The following BTRC variants were observed in gnomAD, a reference collection of about 807,000 sequenced individuals.
BTRC encodes F-box/WD repeat-containing protein 1A.
In BTRC, 42 loss-of-function variants were observed where a neutral mutation model predicts 85.5. The observed-to-expected ratio is 0.49, with a 90% CI of 0.38 to 0.64. The LOEUF is 0.64. Ranked by LOEUF, BTRC falls within the 30% of genes least tolerant of loss-of-function variation. The pLI is 0.00. For synonymous variants in BTRC, 255 were observed against 263.3 expected, an observed-to-expected ratio of 0.97 and a Z score of 0.30; for missense variants, 594 against 743.5, an observed-to-expected ratio of 0.80 and a Z score of 2.34.
intron 2 of BTRC, among the ~76,000 whole-genome samples, chr10:101,457,556 G>A (rs925041035): frequency 7.2e-5 from 11 of 152,238 alleles, no homozygotes; most frequent in Non-Finnish European, 1.3e-4. Flanking sequence ...GTGAAACTGT[G>A]GATAAGGGAG....
intron 7 of BTRC, 139 bp downstream of exon 7, chr10:101,531,472 T>A (rs753757386): frequency 1.6e-6 from 1 of 640,270 alleles, no homozygotes; most frequent in Admixed American, 3.2e-5. Context: ...CCATGGTGGC[T>A]CACACCTGTA....
intron 1 of BTRC, among the ~76,000 whole-genome samples, chr10:101,411,322 G>A (rs1943772139): frequency 6.6e-6 from 1 of 151,962 alleles, no homozygotes; most frequent in African/African-American, 2.4e-5. Flanking sequence ...AGTTTTGTAT[G>A]GGTTGGTCTA....
intron 4 of BTRC, among the ~76,000 whole-genome samples, chr10:101,520,174 C>T (rs1299104121): frequency 1.3e-5 from 2 of 151,942 alleles, no homozygotes; most frequent in East Asian, 3.9e-4. Context: ...GACAGAGTCT[C>T]GCCCTGTTGC....
At chr10:101,389,117 G>GTTTTTTTTTT (rs1169198314) in intron 1 of BTRC, among the ~76,000 whole-genome samples, 13 of 53,040 alleles carry the variant, frequency 2.5e-4, no homozygotes, top group Non-Finnish European at 2.8e-4. Context: ...TTTTTTGTGT[G>GTTTTTTTTTT]TGTTTTTTTT....
chr10:101,422,914 C>T (rs1944144637), intron 1 of BTRC, among the ~76,000 whole-genome samples: 1 of 152,156 alleles, frequency 6.6e-6, no homozygotes. Context: ...ATGCCTCCAG[C>T]TTTGTTCTTT....
At chr10:101,367,560 C>T (rs1288942619) in intron 1 of BTRC, among the ~76,000 whole-genome samples, 2 of 152,090 alleles carry the variant, frequency 1.3e-5, no homozygotes, top group African/African-American at 4.8e-5. Context: ...AGGAATAGAA[C>T]TTTGCCAGCA....
chr10:101,402,325 A>G (rs568929277), intron 1 of BTRC, among the ~76,000 whole-genome samples: 2 of 152,226 alleles, frequency 1.3e-5, no homozygotes, highest in South Asian at 4.1e-4. Flanking sequence ...AAATTCAAGT[A>G]AGAATAATTT....
intron 4 of BTRC, among the ~76,000 whole-genome samples, chr10:101,495,071 C>A (rs1440304915): frequency 6.6e-6 from 1 of 152,108 alleles, no homozygotes; most frequent in Non-Finnish European, 1.5e-5. Flanking sequence ...GTGTTTACAG[C>A]CAAAACTTTC....
intron 2 of BTRC, among the ~76,000 whole-genome samples, chr10:101,453,338 A>T (rs1313750162): frequency 6.6e-6 from 1 of 152,194 alleles, no homozygotes; most frequent in Non-Finnish European, 1.5e-5. Flanking sequence ...GTTATAATCC[A>T]CCACAATTTA....
chr10:101,513,736 CAT>C (rs57351308), intron 4 of BTRC, among the ~76,000 whole-genome samples: 48,184 of 151,906 alleles, frequency 0.32, 9,793 homozygotes, highest in East Asian at 0.66. Context: ...AAGCAAAAAA[CAT>C]TAAAGTACCA....
chr10:101,487,612 G>A (rs1478292723), intron 4 of BTRC, among the ~76,000 whole-genome samples: 4 of 152,182 alleles, frequency 2.6e-5, no homozygotes, highest in African/African-American at 4.8e-5. Flanking sequence ...GCTCCTGATT[G>A]GAGGCGATGG....
chr10:101,362,036 C>G (rs574119096), intron 1 of BTRC, among the ~76,000 whole-genome samples: 22 of 152,302 alleles, frequency 1.4e-4, no homozygotes, highest in African/African-American at 4.1e-4. Context: ...TCTCAGCTCA[C>G]TGCAACCCCC....
intron 1 of BTRC, among the ~76,000 whole-genome samples, chr10:101,424,741 C>A (rs567124225): frequency 6.6e-6 from 1 of 152,260 alleles, no homozygotes; most frequent in East Asian, 1.9e-4. Context: ...TGCCATTGAA[C>A]CTGATGGGCA....
At chr10:101,403,834 A>G (rs1442345333) in intron 1 of BTRC, among the ~76,000 whole-genome samples, 1 of 151,532 alleles carries the variant, frequency 6.6e-6, no homozygotes, top group Admixed American at 6.6e-5. Flanking sequence ...GGCTGAAGCA[A>G]TCCTCCTGCC....
At chr10:101,530,461 T>C (rs1306139456) in intron 6 of BTRC, among the ~76,000 whole-genome samples, 1 of 151,364 alleles carries the variant, frequency 6.6e-6, no homozygotes, top group Non-Finnish European at 1.5e-5. Flanking sequence ...ATTGCTGCTG[T>C]CTACAATGCT....
In BTRC at chr10:101,553,332, G is replaced by C. The variant is rs1216602458; in HGVS notation, c.*209G>C. 2 of 152,624 alleles carry C rather than the reference G, an allele frequency of 1.3e-5. No individual in the cohort carries two copies. Among genetic ancestry groups the C allele is most frequent in the Non-Finnish European group, 2.9e-5 (2 of 68,060 alleles). The allele number at this position is 152,624 out of a possible 1,614,324, so 9.5% of individuals were successfully genotyped here. A position where few individuals can be genotyped will look rare whatever the true frequency, so the allele number is the denominator to read the frequency against. ...GACGGTCTACTCAGCACAACTGACT[G>C]CTTCAGTGCTGCTATCAGAAGATGT... is the stretch of plus-strand genomic sequence containing the variant. On this transcript the variant is annotated 3_prime_UTR_variant, in exon 15 of 15. Transcript: ENST00000370187.
At chr10:101,374,945 T>C (rs1312870712) in intron 1 of BTRC, among the ~76,000 whole-genome samples, 2 of 152,162 alleles carry the variant, frequency 1.3e-5, no homozygotes, top group Admixed American at 6.5e-5. Flanking sequence ...CACAGTTTTA[T>C]CAAGATCTGC....
At chr10:101,455,584 T>C (rs1038501127) in intron 2 of BTRC, among the ~76,000 whole-genome samples, 2 of 152,194 alleles carry the variant, frequency 1.3e-5, no homozygotes, top group African/African-American at 4.8e-5. Context: ...AGCTGACTCT[T>C]GAATCAGGAT....
intron 6 of BTRC, among the ~76,000 whole-genome samples, chr10:101,527,049 G>A (rs1409713537): frequency 6.6e-6 from 1 of 152,036 alleles, no homozygotes; most frequent in East Asian, 1.9e-4. Context: ...GTCACTATAG[G>A]AAAGCTACGT....
Sources: allele counts gnomAD v4.1 joint callset (sites outside exome capture counted in the v4.1 genomes callset), GRCh38; gene constraint gnomAD v4.1.1; transcripts MANE v1.5; gene names NCBI Gene and HGNC (gene_info 2026-07-23, HGNC 2026-07-21).